PCDH11X: variants seen among roughly 807,000 people sequenced by gnomAD.
The protein encoded by PCDH11X is protocadherin-11 X-linked.
In PCDH11X, 18 loss-of-function variants were observed where a neutral mutation model predicts 53.3. That is an observed-to-expected ratio of 0.34 (90% CI 0.23 to 0.50). The LOEUF is 0.50. Among genes scored for constraint, PCDH11X ranks in the 20% least tolerant of loss-of-function variants. The probability of loss-of-function intolerance (pLI) is 0.98; values close to 1 mark genes in which losing one functional copy is unlikely to be tolerated. For missense variants in PCDH11X, 570 were observed against 1,032.4 expected, an observed-to-expected ratio of 0.55 and a Z score of 6.14; for synonymous variants, 279 against 393.3, an observed-to-expected ratio of 0.71 and a Z score of 3.44.
intron 7 of PCDH11X, among the ~76,000 whole-genome samples, chrX:92,233,452 T>C (rs1286564366): frequency 8.9e-6 from 1 of 111,938 alleles, no homozygotes; most frequent in Non-Finnish European, 1.9e-5. Context: ...TTTGCTTAAC[T>C]ATAAAATTAA....
At chrX:91,970,274 T>G (rs7058334) in intron 6 of PCDH11X, among the ~76,000 whole-genome samples, 17,783 of 110,740 alleles carry the variant, frequency 0.16, 1,836 homozygotes, top group African/African-American at 0.38. Flanking sequence ...GGTTGCCACT[T>G]CTGGCGAGGG....
At chrX:92,524,071 G>A (rs1015810410) in intron 10 of PCDH11X, among the ~76,000 whole-genome samples, 5 of 107,605 alleles carry the variant, frequency 4.6e-5, no homozygotes, top group Non-Finnish European at 9.6e-5. Flanking sequence ...ATTGGTGTTC[G>A]AGAACATTTC....
rs569562932 is a variant in PCDH11X, at chrX:92,121,004, T to C, written c.3034-80371T>C. 3.4e-4 allele frequency among the ~76,000 whole-genome samples: 37 copies of C among 109,275 alleles called. No individual in the cohort carries two copies. The South Asian group carries it at 0.014, about 40-fold the overall frequency. 94.9% of individuals were successfully genotyped at this position (109,275 alleles called of 115,157 possible). The stretch of plus-strand genomic sequence containing the variant: ...TATTAAATTATCTGACTATGTTTTA[T>C]TCTCTTAGTAGTATAAGTATGTAGC... On this transcript the variant is annotated intron_variant, in intron 6 of 10. Coordinates refer to ENST00000682573, the MANE Select transcript of PCDH11X (RefSeq NM_032968.5).
At chrX:91,888,544 A>G (rs776909529) in intron 6 of PCDH11X, among the ~76,000 whole-genome samples, 24 of 109,650 alleles carry the variant, frequency 2.2e-4, no homozygotes, top group South Asian at 8.0e-4. Context: ...GGTCTCAGCT[A>G]CTTGTGAGGC....
At chrX:92,386,833 T>C (rs916388813) in intron 8 of PCDH11X, among the ~76,000 whole-genome samples, 12 of 104,063 alleles carry the variant, frequency 1.2e-4, no homozygotes, top group African/African-American at 4.2e-4. Context: ...TGGTGAGTTT[T>C]CCAAGGGTGC....
intron 10 of PCDH11X, among the ~76,000 whole-genome samples, chrX:92,613,911 T>C (rs1464766470): frequency 1.8e-5 from 2 of 110,115 alleles, no homozygotes; most frequent in East Asian, 5.7e-4. Context: ...TCTGAAATTA[T>C]TTCTTCTGCT....
intron 10 of PCDH11X, among the ~76,000 whole-genome samples, chrX:92,543,276 C>G (rs1318555403): frequency 9.8e-6 from 1 of 101,836 alleles, no homozygotes; most frequent in African/African-American, 3.6e-5. Context: ...TAGACATGTA[C>G]TTCTCCAATC....
At chrX:92,387,087 T>A (rs2071025231) in intron 8 of PCDH11X, among the ~76,000 whole-genome samples, 1 of 106,215 alleles carries the variant, frequency 9.4e-6, no homozygotes, top group African/African-American at 3.4e-5. Flanking sequence ...TATATATTTT[T>A]ATATTCTGCT....
chrX:92,169,510 A>G (rs1300677648), intron 6 of PCDH11X, among the ~76,000 whole-genome samples: 1 of 84,553 alleles, frequency 1.2e-5, no homozygotes, highest in Non-Finnish European at 2.4e-5. Flanking sequence ...CCATTATTAC[A>G]TGGGTCCTCA....
At chrX:92,265,102 G>C (rs928831045) in intron 8 of PCDH11X, among the ~76,000 whole-genome samples, 2 of 109,521 alleles carry the variant, frequency 1.8e-5, no homozygotes, top group African/African-American at 6.6e-5. Flanking sequence ...GTCTCGCTCT[G>C]TTGCTCAGGC....
At chrX:92,027,338 C>T (rs746553134) in intron 6 of PCDH11X, among the ~76,000 whole-genome samples, 5 of 111,234 alleles carry the variant, frequency 4.5e-5, no homozygotes, top group East Asian at 2.8e-4. Flanking sequence ...GATCTAAATG[C>T]GTTTACAGTA....
intron 10 of PCDH11X, among the ~76,000 whole-genome samples, chrX:92,502,500 T>A (rs2073977980): frequency 9.2e-6 from 1 of 109,080 alleles, no homozygotes; most frequent in Admixed American, 9.9e-5. Flanking sequence ...AACCAAAACA[T>A]CATGGTACAA....
intron 9 of PCDH11X, among the ~76,000 whole-genome samples, chrX:92,437,914 T>A (rs1239062571): frequency 9.0e-6 from 1 of 111,389 alleles, no homozygotes; most frequent in Non-Finnish European, 1.9e-5. Flanking sequence ...GATGACAGCA[T>A]GATTTAAGTG....
chrX:91,823,511 G>A (rs1196614237), intron 4 of PCDH11X, among the ~76,000 whole-genome samples: 1 of 110,264 alleles, frequency 9.1e-6, no homozygotes, highest in South Asian at 3.9e-4. Flanking sequence ...GCCTTTTTTT[G>A]TTTTCCATTT....
chrX:92,514,873 C>G (rs1233610034), intron 10 of PCDH11X, among the ~76,000 whole-genome samples: 7 of 107,492 alleles, frequency 6.5e-5, no homozygotes, highest in Non-Finnish European at 1.3e-4. Flanking sequence ...CAGTGAAACC[C>G]CATCCCTACT....
intron 10 of PCDH11X, among the ~76,000 whole-genome samples, chrX:92,582,348 C>A (rs113657207): frequency 0.076 from 8,357 of 109,435 alleles, 377 homozygotes; most frequent in Non-Finnish European, 0.12. Flanking sequence ...ACTTGGTTCT[C>A]TGTGTCCCAG....
chrX:92,057,313 A>G (rs994106885), intron 6 of PCDH11X, among the ~76,000 whole-genome samples: 5 of 110,257 alleles, frequency 4.5e-5, no homozygotes, highest in African/African-American at 1.6e-4. Flanking sequence ...GCTATAATTG[A>G]TAGTGTATAT....
At chrX:92,161,108 A>G (rs1443765306) in intron 6 of PCDH11X, among the ~76,000 whole-genome samples, 1 of 109,760 alleles carries the variant, frequency 9.1e-6, no homozygotes, top group Non-Finnish European at 1.9e-5. Context: ...ATTTTCTCCC[A>G]CTCTGTGAGA....
chrX:92,527,592 G>A (rs968016022), intron 10 of PCDH11X, among the ~76,000 whole-genome samples: 1 of 110,814 alleles, frequency 9.0e-6, no homozygotes, highest in African/African-American at 3.3e-5. Flanking sequence ...AAATGAGCCA[G>A]TCTTATTTAC....
Sources: allele counts gnomAD v4.1 joint callset (sites outside exome capture counted in the v4.1 genomes callset), GRCh38; gene constraint gnomAD v4.1.1; transcripts MANE v1.5; gene names NCBI Gene and HGNC (gene_info 2026-07-23, HGNC 2026-07-21).